Variants in PIK3CA observed in about 807,000 individuals in gnomAD.
PIK3CA encodes the protein phosphatidylinositol 4,5-bisphosphate 3-kinase catalytic subunit alpha isoform.
PIK3CA carries 27 observed loss-of-function variants against 138.2 expected under a neutral mutation model. The observed-to-expected ratio is 0.20, with a 90% CI of 0.14 to 0.27. PIK3CA has a LOEUF of 0.27. PIK3CA is among the 10% of genes least tolerant of loss of function. The pLI is 1.00. For synonymous variants in PIK3CA, 358 were observed against 413.2 expected (o/e 0.87, Z 1.62); for missense variants, 544 against 1,277.4 (o/e 0.43, Z 8.75).
intron 6 of PIK3CA, among the ~76,000 whole-genome samples, chr3:179,209,074 G>A (rs540056047): frequency 9.4e-5 from 14 of 148,950 alleles, no homozygotes; most frequent in South Asian, 2.1e-4. Context: ...TTTTAGTGAC[G>A]TATGTAGCAC....
intron 1 of PIK3CA, among the ~76,000 whole-genome samples, chr3:179,167,932 C>G (rs1576917206): frequency 6.6e-6 from 1 of 152,222 alleles, no homozygotes; most frequent in East Asian, 1.9e-4. Flanking sequence ...GCCATTAGTG[C>G]TGCTGGACTC....
intron 1 of PIK3CA, chr3:179,149,583 G>A (rs1164535209): frequency 6.6e-6 from 1 of 152,256 alleles, no homozygotes; most frequent in Non-Finnish European, 1.5e-5. Flanking sequence ...TAATGAATTA[G>A]AGTTGTGATT....
At chr3:179,189,868 G>A (rs969597996) in intron 1 of PIK3CA, among the ~76,000 whole-genome samples, 3 of 151,972 alleles carry the variant, frequency 2.0e-5, no homozygotes, top group Non-Finnish European at 2.9e-5. Flanking sequence ...GTTTTCTCAC[G>A]GCCAGCTTTT....
intron 9 of PIK3CA, among the ~76,000 whole-genome samples, chr3:179,213,171 A>T (rs1275323385): frequency 6.6e-6 from 1 of 152,184 alleles, no homozygotes; most frequent in African/African-American, 2.4e-5. Context: ...GATAACCTTG[A>T]AGTTGAGACT....
At chr3:179,183,274 TTA>T (rs1481376486) in intron 1 of PIK3CA, among the ~76,000 whole-genome samples, 3 of 152,180 alleles carry the variant, frequency 2.0e-5, no homozygotes, top group Non-Finnish European at 4.4e-5. Flanking sequence ...GGATATAAAG[TTA>T]TTGTTTGGTC....
At chr3:179,212,800 C>G (rs1290437543) in intron 9 of PIK3CA, among the ~76,000 whole-genome samples, 1 of 152,150 alleles carries the variant, frequency 6.6e-6, no homozygotes, top group Non-Finnish European at 1.5e-5. Context: ...AATGAATTTT[C>G]TCTTCCTTAT....
At chr3:179,227,292 A>G (rs908157745) in intron 17 of PIK3CA, among the ~76,000 whole-genome samples, 2 of 152,060 alleles carry the variant, frequency 1.3e-5, no homozygotes, top group African/African-American at 4.8e-5. Context: ...AATCGGGTTT[A>G]TTTTAACCCT....
chr3:179,168,420 GC>G (rs1472853007), intron 1 of PIK3CA, among the ~76,000 whole-genome samples: 1 of 152,090 alleles, frequency 6.6e-6, no homozygotes, highest in Admixed American at 6.6e-5. Context: ...ATCTCTGAAA[GC>G]TTTTAAGCTT....
intron 1 of PIK3CA, among the ~76,000 whole-genome samples, chr3:179,183,259 C>T (rs536803033): frequency 9.2e-5 from 14 of 152,102 alleles, no homozygotes; most frequent in Non-Finnish European, 1.8e-4. Flanking sequence ...CAACCAATTA[C>T]ATCAGGATAT....
At chr3:179,224,931 A>G (rs1047145656) in intron 16 of PIK3CA, 110 bp downstream of exon 16, 1 of 620,700 alleles carries the variant, frequency 1.6e-6, no homozygotes, top group Admixed American at 2.7e-5. Flanking sequence ...GAATATACAC[A>G]TGTGATAAAA....
intron 9 of PIK3CA, among the ~76,000 whole-genome samples, chr3:179,214,369 AAT>A (rs1246918099): frequency 6.6e-6 from 1 of 152,118 alleles, no homozygotes; most frequent in Non-Finnish European, 1.5e-5. Context: ...GCCTAATTTC[AAT>A]ATTGTTGTGT....
chr3:179,215,199 G>A (rs1316388122), intron 9 of PIK3CA, among the ~76,000 whole-genome samples: 1 of 151,946 alleles, frequency 6.6e-6, no homozygotes, highest in East Asian at 1.9e-4. Flanking sequence ...ACTACTTTTC[G>A]GAAAACAAAT....
intron 18 of PIK3CA, 115 bp from the exon 19 acceptor site, chr3:179,229,889 G>A (rs929940742): frequency 4.1e-5 from 26 of 631,392 alleles, no homozygotes; most frequent in African/African-American, 1.7e-4. Context: ...TTCCTTATTC[G>A]TTGTCAGTGA....
intron 9 of PIK3CA, among the ~76,000 whole-genome samples, chr3:179,215,462 T>C (rs1402923893): frequency 6.6e-6 from 1 of 152,166 alleles, no homozygotes; most frequent in Admixed American, 6.5e-5. Context: ...TTAAATATTT[T>C]ACTATTTCAT....
intron 1 of PIK3CA, among the ~76,000 whole-genome samples, chr3:179,154,306 T>A (rs1417213152): frequency 1.1e-4 from 16 of 152,142 alleles, no homozygotes. Flanking sequence ...CATTACCACA[T>A]GTGCTCTGCC....
intron 4 of PIK3CA, 89 bp from the exon 5 acceptor site, chr3:179,203,455 A>C: frequency 2.4e-6 from 3 of 1,230,618 alleles, no homozygotes; most frequent in Non-Finnish European, 3.3e-6. Flanking sequence ...TCACCTTTGC[A>C]GATTAATATG....
intron 1 of PIK3CA, among the ~76,000 whole-genome samples, chr3:179,153,818 CTG>C (rs932688828): frequency 7.2e-4 from 16 of 22,210 alleles, no homozygotes; most frequent in African/African-American, 6.7e-3. Context: ...AAATTAAAAA[CTG>C]TGGATGGGGG....
At chr3:179,173,864 T>G (rs1364212811) in intron 1 of PIK3CA, among the ~76,000 whole-genome samples, 2 of 151,702 alleles carry the variant, frequency 1.3e-5, no homozygotes, top group East Asian at 4.1e-4. Context: ...GTAGCTGGGA[T>G]TACAGGCCCC....
In PIK3CA at chr3:179,180,411, C is replaced by T. The variant is rs1048206425; in HGVS notation, c.-76-18339C>T. On this transcript the variant is annotated intron_variant, in intron 1 of 20. Transcript: ENST00000263967. The stretch of plus-strand genomic sequence containing the variant: ...TACTTGTATGAGTGTTTTTCTCCTC[C>T]TTTCCTTTCCATCACCCATCCCTTT... Among the ~76,000 whole-genome samples, 4 of 152,092 alleles carry T rather than the reference C, an allele frequency of 2.6e-5. No individual in the cohort carries two copies. In the East Asian group the frequency reaches 7.7e-4, roughly 29 times the overall value.
Sources: gnomAD v4.1 joint callset for allele counts (sites outside exome capture counted in the v4.1 genomes callset) on GRCh38, gnomAD v4.1.1 for gene constraint, MANE v1.5 for transcripts, NCBI Gene and HGNC (gene_info 2026-07-23, HGNC 2026-07-21) for gene names.